The following GAS2L3 variants were observed in gnomAD, a reference collection of about 807,000 sequenced individuals.
GAS2L3 encodes the protein growth arrest specific 2 like 3, also known as GAS2-like protein 3.
Under a neutral mutation model 37.0 loss-of-function variants are expected in GAS2L3, and 28 were observed. The observed-to-expected ratio is 0.76, with a 90% CI of 0.56 to 1.04. GAS2L3 has a LOEUF of 1.04. GAS2L3 is among the 50% of genes least tolerant of loss of function. The pLI is 0.00. For missense variants in GAS2L3, 793 were observed against 817.6 expected (o/e 0.97, Z 0.37); for synonymous variants, 290 against 296.6 (o/e 0.98, Z 0.23).
At chr12:100,605,451 G>T (rs745870118) in intron 5 of GAS2L3, among the ~76,000 whole-genome samples, 20 of 151,562 alleles carry the variant, frequency 1.3e-4, no homozygotes, top group Non-Finnish European at 2.8e-4. Context: ...CCAACTTCAA[G>T]TTTTATCTTT....
intron 5 of GAS2L3, among the ~76,000 whole-genome samples, chr12:100,606,389 G>A (rs1170790305): frequency 2.0e-5 from 3 of 151,994 alleles, no homozygotes; most frequent in Non-Finnish European, 4.4e-5. Context: ...GTCTTCATAG[G>A]TGAAGAGTGT....
intron 7 of GAS2L3, 124 bp from the exon 8 acceptor site, chr12:100,618,325 C>T: frequency 1.1e-6 from 1 of 910,838 alleles, no homozygotes; most frequent in Non-Finnish European, 1.6e-6. Context: ...TCAAATATCC[C>T]AGTGAAACAA....
chr12:100,597,574 T>C (rs1485358049), intron 3 of GAS2L3, among the ~76,000 whole-genome samples: 2 of 152,088 alleles, frequency 1.3e-5, no homozygotes, highest in Non-Finnish European at 1.5e-5. Context: ...AAATGTCCCT[T>C]AAATAACTTA....
At chr12:100,578,931 G>A in intron 1 of GAS2L3, 2 of 908,768 alleles carry the variant, frequency 2.2e-6, no homozygotes, top group Non-Finnish European at 3.6e-6. Flanking sequence ...CTGATTGGAA[G>A]AGGGGATAAG....
In GAS2L3 at chr12:100,626,746, G is replaced by A. The variant is rs1487167702; in HGVS notation, c.*1856G>A. On this transcript the variant is annotated 3_prime_UTR_variant, in exon 10 of 10. Transcript: ENST00000547754. ...TTACAGTATATAAACACTAAGTTTT[G>A]TGTTAAATGTGATCAGGAATAAAAG... 1 of 152,118 alleles carries A rather than the reference G, an allele frequency of 6.6e-6. No individual in the cohort carries two copies. The highest frequency in any genetic ancestry group is 2.4e-5 in the African/African-American group (1 of 41,412). The allele number at this position is 152,118 out of a possible 1,614,324, so 9.4% of individuals were successfully genotyped here.
intron 6 of GAS2L3, among the ~76,000 whole-genome samples, chr12:100,613,537 T>G (rs1196054588): frequency 6.6e-6 from 1 of 152,176 alleles, no homozygotes; most frequent in Non-Finnish European, 1.5e-5. Flanking sequence ...AAGAGTATAC[T>G]TTGTGCTTGG....
intron 6 of GAS2L3, among the ~76,000 whole-genome samples, chr12:100,614,419 C>T (rs748185667): frequency 6.6e-6 from 1 of 151,530 alleles, no homozygotes; most frequent in Non-Finnish European, 1.5e-5. Flanking sequence ...GCCAGGATCA[C>T]GTCGCTACAC....
chr12:100,581,424 G>A (rs1190819101), intron 1 of GAS2L3, among the ~76,000 whole-genome samples: 1 of 152,086 alleles, frequency 6.6e-6, no homozygotes, highest in African/African-American at 2.4e-5. Flanking sequence ...TGTGAGAAAA[G>A]GACTGTGAAA....
chr12:100,577,918 A>C (rs1344103116), intron 1 of GAS2L3, among the ~76,000 whole-genome samples: 1 of 152,228 alleles, frequency 6.6e-6, no homozygotes, highest in Non-Finnish European at 1.5e-5. Context: ...CTAAGGCTGA[A>C]GTGTAAGAGT....
At chr12:100,581,501 A>T (rs1565796282) in intron 1 of GAS2L3, among the ~76,000 whole-genome samples, 1 of 152,240 alleles carries the variant, frequency 6.6e-6, no homozygotes, top group South Asian at 2.1e-4. Flanking sequence ...ATGAGATTTT[A>T]AAAAATGACA....
At chr12:100,577,735 T>G (rs1955655770) in intron 1 of GAS2L3, among the ~76,000 whole-genome samples, 1 of 152,214 alleles carries the variant, frequency 6.6e-6, no homozygotes, top group Non-Finnish European at 1.5e-5. Context: ...AAGCATATAA[T>G]ATTGCTATAT....
Position 100,624,754 on chromosome 12 carries a change from A to C in GAS2L3, c.1949A>C (p.Lys650Thr). The change falls in exon 10 of 10, where the codon AAA (lysine) becomes ACA (threonine). Residue 650 changes from lysine (K) to threonine (T), a missense_variant. Transcript: ENST00000547754. ...HSTKGPPRSG[K>T]TPASIRKPPS... ...ACTAAAGGGCCTCCCAGAAGTGGCAAAACCCCAGCTTCAATCAGGAAACCA... is the reference window on the plus strand; with the variant it reads ...ACTAAAGGGCCTCCCAGAAGTGGCACAACCCCAGCTTCAATCAGGAAACCA... 1.2e-6 allele frequency: 2 copies of C among 1,614,050 alleles called. No homozygotes were observed. The highest frequency in any genetic ancestry group is 8.5e-7 in the Non-Finnish European group (1 of 1,180,008).
intron 1 of GAS2L3, among the ~76,000 whole-genome samples, chr12:100,582,583 T>C (rs992736655): frequency 6.6e-6 from 1 of 152,188 alleles, no homozygotes; most frequent in African/African-American, 2.4e-5. Flanking sequence ...TTATGAAAAA[T>C]ATATTTCTTT....
At chr12:100,594,430 T>C (rs923461250) in intron 2 of GAS2L3, among the ~76,000 whole-genome samples, 4 of 152,046 alleles carry the variant, frequency 2.6e-5, no homozygotes, top group Non-Finnish European at 4.4e-5. Context: ...GTTTGTGAAT[T>C]TATGCAAAGT....
intron 8 of GAS2L3, 121 bp from the exon 9 acceptor site, chr12:100,622,154 A>C (rs1459877792): frequency 1.1e-5 from 6 of 531,390 alleles, no homozygotes; most frequent in Non-Finnish European, 2.0e-5. Flanking sequence ...GAAGCGATTA[A>C]ATTATTGAAC....
intron 8 of GAS2L3, among the ~76,000 whole-genome samples, chr12:100,621,695 A>C (rs1956253264): frequency 6.6e-6 from 1 of 152,018 alleles, no homozygotes; most frequent in South Asian, 2.1e-4. Flanking sequence ...GACAAGTGAA[A>C]ATTCCTACTT....
chr12:100,623,370 T>A (rs559483358), intron 9 of GAS2L3, among the ~76,000 whole-genome samples, 192 bp from the exon 10 acceptor site: 1 of 152,314 alleles, frequency 6.6e-6, no homozygotes, highest in Non-Finnish European at 1.5e-5. Flanking sequence ...GTATCATTAG[T>A]TGCATAATTC....
chr12:100,608,614 C>T (rs997850463), intron 5 of GAS2L3, among the ~76,000 whole-genome samples: 9 of 152,094 alleles, frequency 5.9e-5, no homozygotes, highest in African/African-American at 9.7e-5. Flanking sequence ...CTCTGCCTCC[C>T]GGGTTCACGC....
chr12:100,618,745 C>A, intron 8 of GAS2L3, 158 bp downstream of exon 8: 4 of 583,350 alleles, frequency 6.9e-6, no homozygotes, highest in Non-Finnish European at 1.1e-5. Context: ...GAATTCAGGG[C>A]ATTATATTTT....
Sources: gnomAD v4.1 joint callset for allele counts (sites outside exome capture counted in the v4.1 genomes callset) on GRCh38, gnomAD v4.1.1 for gene constraint, MANE v1.5 for transcripts, NCBI Gene and HGNC (gene_info 2026-07-23, HGNC 2026-07-21) for gene names.